The following UGT1A9 variants were observed in gnomAD, a reference collection of about 807,000 sequenced individuals.
The protein encoded by UGT1A9 is UDP glucuronosyltransferase family 1 member A9, also known as UDP-glucuronosyltransferase 1A9.
UGT1A9 carries 35 observed loss-of-function variants against 45.0 expected under a neutral mutation model. The ratio of observed to expected loss-of-function variants is 0.78; its 90% CI spans 0.59 to 1.03. The LOEUF is 1.03. UGT1A9 is among the 50% of genes least tolerant of loss of function. The pLI is 0.00. For missense variants in UGT1A9, 687 were observed against 666.6 expected (o/e 1.03, Z -0.34); for synonymous variants, 278 against 250.6 (o/e 1.11, Z -1.03).
intron 1 of UGT1A9, chr2:233,713,893 A>C (rs774657608): frequency 3.1e-6 from 5 of 1,613,332 alleles, no homozygotes; most frequent in Non-Finnish European, 4.2e-6. Flanking sequence ...TCAATGTTCC[A>C]GGCAAAACAC....
At chr2:233,683,140 G>T (rs2074619187) in intron 1 of UGT1A9, among the ~76,000 whole-genome samples, 1 of 151,960 alleles carries the variant, frequency 6.6e-6, no homozygotes, top group South Asian at 2.1e-4. Context: ...AGTTTTGTGT[G>T]AATTGTTTTC....
chr2:233,685,495 G>T (rs997076638), intron 1 of UGT1A9, among the ~76,000 whole-genome samples: 4 of 152,164 alleles, frequency 2.6e-5, no homozygotes, highest in African/African-American at 9.7e-5. Context: ...CTGGGATGTG[G>T]TTACAGCAAG....
At chr2:233,743,042 G>GTT in intron 1 of UGT1A9, 1 of 311,812 alleles carries the variant, frequency 3.2e-6, no homozygotes, top group Non-Finnish European at 6.3e-6. Context: ...GGTCCTATCC[G>GTT]TGTAGTCCCA....
Position 233,772,351 on chromosome 2 carries a change from T to C in UGT1A9, c.1385T>C (p.Val462Ala). 1 of 1,614,248 alleles carries C rather than the reference T, an allele frequency of 6.2e-7. No individual in the cohort carries two copies. The change falls in exon 5 of 5, where the codon GTG becomes GCG. Residue 462 changes from valine (V) to alanine (A), a missense_variant. Transcript: ENST00000354728. ...CTGGCCGTGTTCTGGGTGGAGTTTG[T>C]GATGAGGCACAAGGGCGCGCCACAC... ...LDLAVFWVEF[V>A]MRHKGAPHLR...
At chr2:233,682,447 G>C in intron 1 of UGT1A9, 1 of 1,613,828 alleles carries the variant, frequency 6.2e-7, no homozygotes, top group East Asian at 2.2e-5. Flanking sequence ...TCTTCGCCAG[G>C]GGAATATTTT....
At position 233,713,774 on chromosome 2, in the gene UGT1A9, T is replaced by C. The variant is rs17862869; in HGVS notation, c.855+40985T>C. 0.09 allele frequency: 142,447 copies of C among 1,583,730 alleles called. 8,619 individuals carry two copies. The highest frequency in any genetic ancestry group is 0.18 in the South Asian group (15,805 of 87,196). Reference sequence around the variant, plus strand: ...CTGTGTGGCTGTTCCGAGGGGACTTTGTGATGGATTACCCCAGGCCGATCA... The same window carrying C: ...CTGTGTGGCTGTTCCGAGGGGACTTCGTGATGGATTACCCCAGGCCGATCA... On this transcript the variant is annotated intron_variant, in intron 1 of 4. Coordinates refer to ENST00000354728, the MANE Select transcript of UGT1A9 (RefSeq NM_021027.3).
chr2:233,684,878 G>A (rs1473461044), intron 1 of UGT1A9, among the ~76,000 whole-genome samples: 1 of 152,092 alleles, frequency 6.6e-6, no homozygotes, highest in Admixed American at 6.5e-5. Context: ...ATATGGGCAG[G>A]GTGTGTCTTG....
At chr2:233,757,520 A>G (rs1696548795) in intron 1 of UGT1A9, among the ~76,000 whole-genome samples, 1 of 144,544 alleles carries the variant, frequency 6.9e-6, no homozygotes. Flanking sequence ...CAAAGCCAAA[A>G]TCTTGCCTGT....
chr2:233,690,782 CA>C, intron 1 of UGT1A9: 1 of 703,324 alleles, frequency 1.4e-6, no homozygotes, highest in Non-Finnish European at 1.9e-6. Context: ...CACATACACA[CA>C]CACACACACA....
chr2:233,740,668 G>A (rs1267064015), intron 1 of UGT1A9: 1 of 151,782 alleles, frequency 6.6e-6, no homozygotes, highest in Non-Finnish European at 1.5e-5. Context: ...GAAGGTACAG[G>A]TGTTTCCATG....
intron 1 of UGT1A9, among the ~76,000 whole-genome samples, chr2:233,678,254 C>A (rs1238756940): frequency 1.3e-5 from 2 of 152,194 alleles, no homozygotes. Context: ...CCCCAAACAT[C>A]AGCATCACAC....
chr2:233,706,103 A>AT (rs1559354549), intron 1 of UGT1A9, among the ~76,000 whole-genome samples: 1 of 152,060 alleles, frequency 6.6e-6, no homozygotes, highest in African/African-American at 2.4e-5. Context: ...TTAAAAAAAA[A>AT]CCAAGAATTT....
intron 1 of UGT1A9, among the ~76,000 whole-genome samples, chr2:233,732,854 T>C (rs1024629141): frequency 3.3e-5 from 5 of 151,658 alleles, no homozygotes; most frequent in African/African-American, 9.7e-5. Context: ...TGTGAAGTCA[T>C]TGGTAGCTTG....
chr2:233,689,417 T>C (rs2074941535), intron 1 of UGT1A9, among the ~76,000 whole-genome samples: 1 of 152,226 alleles, frequency 6.6e-6, no homozygotes, highest in East Asian at 1.9e-4. Context: ...ATCTCTCTAA[T>C]GGCTTGCAAG....
chr2:233,743,752 C>A, intron 1 of UGT1A9: 1 of 1,367,386 alleles, frequency 7.3e-7, no homozygotes, highest in Non-Finnish European at 9.8e-7. Context: ...CGTCCGACAA[C>A]ACCTCGTAGG....
At chr2:233,760,728 C>T (rs1697540030) in intron 1 of UGT1A9, 1 of 1,614,064 alleles carries the variant, frequency 6.2e-7, no homozygotes, top group African/African-American at 1.3e-5. Context: ...GCTTTGATGT[C>T]ATGCTGACGG....
chr2:233,724,950 A>C (rs2077335462), intron 1 of UGT1A9, among the ~76,000 whole-genome samples: 2 of 143,906 alleles, frequency 1.4e-5, no homozygotes, highest in Non-Finnish European at 1.5e-5. Flanking sequence ...CAATCCCGGC[A>C]CCTCGGGAGG....
chr2:233,718,208 A>C (rs934013354), intron 1 of UGT1A9, among the ~76,000 whole-genome samples: 2 of 152,102 alleles, frequency 1.3e-5, no homozygotes, highest in Non-Finnish European at 2.9e-5. Context: ...TTTTTTTTAT[A>C]TTGACAGCCA....
At chr2:233,719,052 A>C (rs200903552) in intron 1 of UGT1A9, 5 of 1,614,270 alleles carry the variant, frequency 3.1e-6, no homozygotes, top group Non-Finnish European at 4.2e-6. Context: ...TTTCACCCTG[A>C]CAGCCTATGC....
Sources: allele counts gnomAD v4.1 joint callset (sites outside exome capture counted in the v4.1 genomes callset), GRCh38; gene constraint gnomAD v4.1.1; transcripts MANE v1.5; gene names NCBI Gene and HGNC (gene_info 2026-07-23, HGNC 2026-07-21).